Variants in PROM2 observed in about 807,000 individuals in gnomAD.
The protein encoded by PROM2 is prominin-2.
PROM2 carries 90 observed loss-of-function variants against 110.2 expected under a neutral mutation model. The observed-to-expected ratio is 0.82, with a 90% confidence interval of 0.69 to 0.97. PROM2 has a LOEUF of 0.97. Ranked by LOEUF, PROM2 falls within the 50% of genes least tolerant of loss-of-function variation. The pLI, the probability that PROM2 is intolerant of heterozygous loss-of-function variation, is 0.00. For synonymous variants in PROM2, 470 were observed against 467.8 expected, an observed-to-expected ratio of 1.00 and a Z score of -0.06; for missense variants, 1,009 against 1,074.8, an observed-to-expected ratio of 0.94 and a Z score of 0.86.
chr2:95,284,150 C>A (rs1391870638), intron 14 of PROM2, among the ~76,000 whole-genome samples: 3 of 152,176 alleles, frequency 2.0e-5, no homozygotes, highest in Admixed American at 6.5e-5. Context: ...GTGTCCAGGG[C>A]AGGGGGCCCT....
At chr2:95,277,794 G>A (rs1003562939) in intron 7 of PROM2, 136 bp from the exon 8 acceptor site, 2 of 833,740 alleles carry the variant, frequency 2.4e-6, no homozygotes, top group African/African-American at 3.4e-5. Flanking sequence ...ACCAGGGGCA[G>A]TAAGAGCCAT....
At chr2:95,281,137 G>A in intron 11 of PROM2, 105 bp from the exon 12 acceptor site, 1 of 1,481,290 alleles carries the variant, frequency 6.8e-7, no homozygotes, top group African/African-American at 1.4e-5. Context: ...CTGTGCTGGG[G>A]CCAACTGGCT....
chr2:95,284,857 G>A, intron 14 of PROM2, 112 bp from the exon 15 acceptor site: 1 of 1,221,822 alleles, frequency 8.2e-7, no homozygotes, highest in African/African-American at 1.5e-5. Context: ...GAAATTTGGA[G>A]GGGACAAATA....
rs767465896 is a variant in PROM2 at position 95,288,247 on chromosome 2, G to A, written c.2281G>A (p.Gly761Arg). ...CATTGCCACCTGCCAGCCCCTCTCCGGAGCCCTGGACAACAGCCGTGTGAT... is the reference window on the plus strand; with the variant it reads ...CATTGCCACCTGCCAGCCCCTCTCCAGAGCCCTGGACAACAGCCGTGTGAT... ...QRIATCQPLS[G>R]ALDNSRVILC... is the part of the protein sequence containing the mutation. Residue 761 changes from glycine to arginine, a missense_variant, in exon 21 of 24, where the codon GGA becomes AGA. Gly to Arg is a moderately radical substitution (Grantham distance 125). Coordinates refer to ENST00000317620, the MANE Select transcript of PROM2 (RefSeq NM_001165978.3). The A allele has an allele frequency of 1.2e-5, 20 of 1,613,986 alleles. No individual in the cohort carries two copies. The highest frequency in any genetic ancestry group is 1.4e-5 in the Non-Finnish European group (17 of 1,180,016).
intron 18 of PROM2, 72 bp downstream of exon 18, chr2:95,286,929 C>A (rs1368072900): frequency 3.3e-6 from 5 of 1,522,604 alleles, no homozygotes; most frequent in Non-Finnish European, 1.8e-6. Flanking sequence ...AGGAGCCCAT[C>A]TCACTCTGCA....
In PROM2 at chr2:95,281,385, C is replaced by T; in HGVS notation, c.1551+20C>T. 6.2e-7 allele frequency: 1 copy of T among 1,603,858 alleles called. No homozygotes were observed. The highest frequency in any genetic ancestry group is 2.2e-5 in the East Asian group (1 of 44,608). The stretch of plus-strand genomic sequence containing the variant: ...TTTGAGGTAGGCCTGTCTCTGCTCA[C>T]AGGCCCTCCTGGGGAGAGAGGTGGG... On this transcript the variant is annotated intron_variant, in intron 12 of 23. Coordinates refer to ENST00000317620, the MANE Select transcript of PROM2 (RefSeq NM_001165978.3).
Position 95,277,045 on chromosome 2 carries a change from G to A in PROM2, c.756G>A (p.Val252=). Residue 252 remains valine, a synonymous_variant, in exon 6 of 24, where the codon GTG becomes GTA. Transcript: ENST00000317620. ...RSSVYPLLAA[V]GSLGQVLQVS... ...CCGTGTACCCCTTGCTGGCGGCCGTGGGCAGTTTGGGCCAGGGTGAGCTGG... is the reference window on the plus strand; with the variant it reads ...CCGTGTACCCCTTGCTGGCGGCCGTAGGCAGTTTGGGCCAGGGTGAGCTGG... 6.4e-7 allele frequency: 1 copy of A among 1,551,676 alleles called. No individual in the cohort carries two copies. The highest frequency in any genetic ancestry group is 8.7e-7 in the Non-Finnish European group (1 of 1,147,042).
Position 95,288,967 on chromosome 2 carries a change from A to G in PROM2, c.2476A>G (p.Ile826Val), listed in dbSNP as rs1665926177. 8 of 1,613,906 alleles carry G rather than the reference A, an allele frequency of 5.0e-6. No homozygotes were observed. Among genetic ancestry groups the G allele is most frequent in the Non-Finnish European group, 6.8e-6 (8 of 1,179,940 alleles). The change falls in exon 23 of 24, where the codon ATC becomes GTC. Residue 826 changes from isoleucine to valine, a missense_variant. Physicochemically the swap from Ile to Val is conservative, Grantham distance 29. Coordinates refer to ENST00000317620, the MANE Select transcript of PROM2 (RefSeq NM_001165978.3). ...TSSEETQLFH[I>V]PRVTSLKL ...CTCTGAGGAGACTCAGCTCTTCCAC[A>G]TCCCCCGGGTTACCTCCCTGAAGCT...
chr2:95,283,144 T>G (rs549634042), intron 14 of PROM2, among the ~76,000 whole-genome samples: 29 of 152,272 alleles, frequency 1.9e-4, no homozygotes, highest in African/African-American at 6.0e-4. Flanking sequence ...AGGCGATATC[T>G]CAGTGCTAGG....
At chr2:95,289,097 A>G (rs1677553706) in intron 23 of PROM2, 91 bp downstream of exon 23, 2 of 1,078,268 alleles carry the variant, frequency 1.9e-6, no homozygotes. Flanking sequence ...TCCAGGGCCT[A>G]GGAGGGCAGG....
chr2:95,274,688 C>T lies in PROM2; in HGVS notation c.103C>T (p.Pro35Ser), dbSNP rs1186255611. 2 of 1,612,948 alleles carry T rather than the reference C, an allele frequency of 1.2e-6. No homozygotes were observed. The highest frequency in any genetic ancestry group is 1.3e-5 in the African/African-American group (1 of 75,044). ...AGATDCKFLG[P>S]AEHLTFTPAA... The stretch of plus-strand genomic sequence containing the variant: ...GGCCACAGACTGCAAGTTCCTTGGC[C>T]CGGCAGAGCACCTGACATTCACCCC... The change falls in exon 1 of 24, where the codon CCG becomes TCG. Residue 35 changes from proline (P) to serine (S), a missense_variant. Pro to Ser is a moderately conservative substitution (Grantham distance 74). Transcript: ENST00000317620.
In PROM2 at chr2:95,287,491, T is replaced by C. The variant is rs925153491; in HGVS notation, c.2244+27T>C. On this transcript the variant is annotated intron_variant, in intron 20 of 23. Transcript: ENST00000317620. ...TGAGTGGGGCCTCAGAAGCAATGAC[T>C]GATTCCCTGCTCCATCGGACCAGCT... 3 of 1,606,834 alleles carry C rather than the reference T, an allele frequency of 1.9e-6. No homozygotes were observed. The African/African-American group carries it at 4.0e-5, about 21-fold the overall frequency.
rs753327090 is a variant in PROM2, at chr2:95,281,231, G to A, written c.1428-11G>A. 2.0e-5 allele frequency: 32 copies of A among 1,611,036 alleles called. No homozygotes were observed. The highest frequency in any genetic ancestry group is 2.5e-5 in the Non-Finnish European group (29 of 1,179,720). Reference sequence around the variant, plus strand: ...CTGCTGTCCCTCAGTCCTGCCTCTCGCCTACCCCAGAGGTGTGGGCCTCAG... The same window carrying A: ...CTGCTGTCCCTCAGTCCTGCCTCTCACCTACCCCAGAGGTGTGGGCCTCAG... On this transcript the variant is annotated splice_polypyrimidine_tract_variant and intron_variant, in intron 11 of 23. Coordinates refer to ENST00000317620, the MANE Select transcript of PROM2 (RefSeq NM_001165978.3).
chr2:95,281,135 G>A (rs1573453356), intron 11 of PROM2, 107 bp from the exon 12 acceptor site: 1 of 1,469,480 alleles, frequency 6.8e-7, no homozygotes, highest in Non-Finnish European at 9.2e-7. Context: ...CTCTGTGCTG[G>A]GGCCAACTGG....
At chr2:95,281,408 G>T (rs1305123264) in intron 12 of PROM2, 43 bp downstream of exon 12, 2 of 1,590,986 alleles carry the variant, frequency 1.3e-6, no homozygotes, top group African/African-American at 2.7e-5. Context: ...GGAGAGAGGT[G>T]GGGGGCGGTA....
In PROM2 at chr2:95,277,941, G is replaced by A. The variant is rs1203735080; in HGVS notation, c.987G>A (p.Val329=). ...TTCCCCCATTTCAGGTGCCCTCTGTGGACCATGTCCTGCACCAGCTAAAAG... is the reference window on the plus strand; with the variant it reads ...TTCCCCCATTTCAGGTGCCCTCTGTAGACCATGTCCTGCACCAGCTAAAAG... The part of the protein sequence containing the change: ...LGADFSQVPS[V]DHVLHQLKGV... The change falls in exon 8 of 24, where the codon GTG becomes GTA. Residue 329 remains valine (V), a synonymous_variant. Transcript: ENST00000317620. The A allele has an allele frequency of 1.2e-5, 20 of 1,612,306 alleles. No homozygotes were observed. Among genetic ancestry groups the A allele is most frequent in the Non-Finnish European group, 1.7e-5 (20 of 1,179,482 alleles).
chr2:95,286,865 C>T lies in PROM2; in HGVS notation c.2094+8C>T, dbSNP rs769256446. 6.2e-6 allele frequency: 10 copies of T among 1,613,564 alleles called. No individual in the cohort carries two copies. The highest frequency in any genetic ancestry group is 8.5e-6 in the Non-Finnish European group (10 of 1,179,860). On this transcript the variant is annotated splice_region_variant and intron_variant, in intron 18 of 23. Transcript: ENST00000317620. Reference sequence around the variant, plus strand: ...TCTGCCCCGAATCTCCAGGTGGCTGCTGTTGGTGGGGACGTATGGTGGAGC... The same window carrying T: ...TCTGCCCCGAATCTCCAGGTGGCTGTTGTTGGTGGGGACGTATGGTGGAGC...
intron 10 of PROM2, among the ~76,000 whole-genome samples, chr2:95,279,518 A>G (rs1166466963): frequency 6.6e-6 from 1 of 152,122 alleles, no homozygotes; most frequent in South Asian, 2.1e-4. Flanking sequence ...GATTGTCTCT[A>G]TCTCTTGACC....
At position 95,274,770 on chromosome 2, in the gene PROM2, C is replaced by T. The variant is rs1286948920; in HGVS notation, c.185C>T (p.Ser62Phe). ...PRVRAPGLLD[S>F]LYGTVRRFLS... ...GTTCGTGCGCCAGGACTCCTGGACT[C>T]CCTCTATGGCACCGTGCGCCGCTTC... The change falls in exon 1 of 24, where the codon TCC (serine) becomes TTC (phenylalanine). Residue 62 changes from serine to phenylalanine, a missense_variant. By Grantham distance (155) the Ser-to-Phe change is radical. Coordinates refer to ENST00000317620, the MANE Select transcript of PROM2 (RefSeq NM_001165978.3). 6.2e-7 allele frequency: 1 copy of T among 1,610,936 alleles called. No homozygotes were observed. Among genetic ancestry groups the T allele is most frequent in the Non-Finnish European group, 8.5e-7 (1 of 1,179,616 alleles).
Sources: gnomAD v4.1 joint callset for allele counts (sites outside exome capture counted in the v4.1 genomes callset) on GRCh38, gnomAD v4.1.1 for gene constraint, MANE v1.5 for transcripts, NCBI Gene and HGNC (gene_info 2026-07-23, HGNC 2026-07-21) for gene names.